Variants in PDP2 observed in about 807,000 individuals in gnomAD.
PDP2 encodes the protein pyruvate dehydrogenase phosphatase catalytic subunit 2.
Under a neutral mutation model 34.2 loss-of-function variants are expected in PDP2, and 23 were observed. The observed-to-expected ratio is 0.67, with a 90% confidence interval of 0.48 to 0.95. The LOEUF is 0.95. Ranked by LOEUF, PDP2 falls within the 40% of genes least tolerant of loss-of-function variation. The pLI is 0.00. For missense variants in PDP2, 571 were observed against 659.6 expected (o/e 0.87, Z 1.47); for synonymous variants, 275 against 269.2 (o/e 1.02, Z -0.21).
intron 1 of PDP2, among the ~76,000 whole-genome samples, chr16:66,882,615 G>A (rs967854931): frequency 6.6e-6 from 1 of 151,722 alleles, no homozygotes; most frequent in African/African-American, 2.4e-5. Context: ...GATAACTGGA[G>A]TGTTACCTCA....
rs1961909413 is a variant in PDP2, at chr16:66,889,353, T to A, written c.*3479T>A. The A allele has an allele frequency of 6.6e-6, 1 of 152,206 alleles. No homozygotes were observed. Among genetic ancestry groups the A allele is most frequent in the African/African-American group, 2.4e-5 (1 of 41,444 alleles). The allele number at this position is 152,206 out of a possible 1,614,324, so 9.4% of individuals were successfully genotyped here. ...TCTCACTCAGTCGCCCAGGCTGAAG[T>A]GCAGTGACACAGTCTCAGCTCACTG... is the stretch of plus-strand genomic sequence containing the variant. On this transcript the variant is annotated 3_prime_UTR_variant, in exon 2 of 2. Coordinates refer to ENST00000311765, the MANE Select transcript of PDP2 (RefSeq NM_020786.4).
chr16:66,885,670 G>C lies in PDP2; in HGVS notation c.1386G>C (p.Gly462=). 6.2e-7 allele frequency: 1 copy of C among 1,614,068 alleles called. No individual in the cohort carries two copies. Among genetic ancestry groups the C allele is most frequent in the Non-Finnish European group, 8.5e-7 (1 of 1,179,996 alleles). Reference sequence around the variant, plus strand: ...TGCTGCTGCAGAGGAAAGCCAGCGGGCTCCACGAGGCTGACCAAAATGCAG... The same window carrying C: ...TGCTGCTGCAGAGGAAAGCCAGCGGCCTCCACGAGGCTGACCAAAATGCAG... The part of the protein sequence containing the change: ...QSLLLQRKAS[G]LHEADQNAAT... The change falls in exon 2 of 2, where the codon GGG becomes GGC. Residue 462 remains glycine (G), a synonymous_variant. Transcript: ENST00000311765. The surrounding 1 kb of genome is among the most constrained non-coding windows in gnomAD (Gnocchi z 4.6).
At position 66,884,771 on chromosome 16, in the gene PDP2, TC is replaced by T. The variant is rs759119034; in HGVS notation, c.490del (p.Leu164Ter). On this transcript the variant is annotated frameshift_variant, in exon 2 of 2. Coordinates refer to ENST00000311765, the MANE Select transcript of PDP2 (RefSeq NM_020786.4). LOFTEE classifies it high-confidence loss of function. ...SERLFYYVAV[S>X]LMSHQTLEHM... ...GAGGCTCTTCTACTATGTGGCAGTG[TC>T]CCTGATGTCCCACCAGACCCTGGAG... The T allele has an allele frequency of 6.2e-7, 1 of 1,614,124 alleles. No individual in the cohort carries two copies. Among genetic ancestry groups the T allele is most frequent in the South Asian group, 1.1e-5 (1 of 91,084 alleles).
chr16:66,884,212 T>G lies in PDP2; in HGVS notation c.-54-19T>G. On this transcript the variant is annotated intron_variant, in intron 1 of 1. Coordinates refer to ENST00000311765, the MANE Select transcript of PDP2 (RefSeq NM_020786.4). ...AAAAAAAGAAATTAAATTTGAAACT[T>G]CAACTTTTTAATTTTTAGGTTTAAA... 3.1e-6 allele frequency: 4 copies of G among 1,298,932 alleles called. No homozygotes were observed. The highest frequency in any genetic ancestry group is 4.2e-6 in the Non-Finnish European group (4 of 946,574). 80.5% of individuals were successfully genotyped at this position (1,298,932 alleles called of 1,614,324 possible). A position where few individuals can be genotyped will look rare whatever the true frequency, so the allele number is the denominator to read the frequency against.
Position 66,890,047 on chromosome 16 carries a change from A to C in PDP2, c.*4173A>C, listed in dbSNP as rs1414828867. ...GTGATCCCAGCACTTTCGGAGGCCAAAGTGGGTGGATTACCTGAGGTCAGG... is the reference window on the plus strand; with the variant it reads ...GTGATCCCAGCACTTTCGGAGGCCACAGTGGGTGGATTACCTGAGGTCAGG... On this transcript the variant is annotated 3_prime_UTR_variant, in exon 2 of 2. Transcript: ENST00000311765. 1 of 152,126 alleles carries C rather than the reference A, an allele frequency of 6.6e-6. No homozygotes were observed. 9.4% of individuals were successfully genotyped at this position (152,126 alleles called of 1,614,324 possible).
At chr16:66,881,945 A>G (rs996212838) in intron 1 of PDP2, among the ~76,000 whole-genome samples, 3 of 152,124 alleles carry the variant, frequency 2.0e-5, no homozygotes, top group African/African-American at 7.2e-5. Context: ...GCCTCCCAAA[A>G]TGCTGAGATT....
At chr16:66,883,604 AT>A (rs1166917834) in intron 1 of PDP2, among the ~76,000 whole-genome samples, 1 of 151,214 alleles carries the variant, frequency 6.6e-6, no homozygotes, top group African/African-American at 2.4e-5. Flanking sequence ...ATGCCTGGCA[AT>A]TTTTTTATTT....
intron 1 of PDP2, among the ~76,000 whole-genome samples, chr16:66,882,162 G>A (rs1455463544): frequency 1.4e-4 from 22 of 152,184 alleles, no homozygotes; most frequent in East Asian, 1.9e-4. Context: ...ACAAAAATAC[G>A]TACAGAATGA....
At position 66,884,864 on chromosome 16, in the gene PDP2, G is replaced by C; in HGVS notation, c.580G>C (p.Gly194Arg). 1 of 1,614,060 alleles carries C rather than the reference G, an allele frequency of 6.2e-7. No homozygotes were observed. Among genetic ancestry groups the C allele is most frequent in the Non-Finnish European group, 8.5e-7 (1 of 1,179,990 alleles). ...LPILHWLKHP[G>R]DSIYKDVTSV... ...CATCCTGCATTGGCTCAAGCACCCA[G>C]GGGACAGTATCTACAAGGATGTCAC... is the stretch of plus-strand genomic sequence containing the variant. The change falls in exon 2 of 2, where the codon GGG (glycine) becomes CGG (arginine). Residue 194 changes from glycine to arginine, a missense_variant. This residue lies in a region of PDP2 where 290 missense variants were observed against 283.8 expected (regional missense o/e 1.02). Coordinates refer to ENST00000311765, the MANE Select transcript of PDP2 (RefSeq NM_020786.4).
intron 1 of PDP2, among the ~76,000 whole-genome samples, chr16:66,883,868 A>C (rs940863015): frequency 6.6e-6 from 1 of 152,046 alleles, no homozygotes; most frequent in Non-Finnish European, 1.5e-5. Flanking sequence ...TTCAGAAGTC[A>C]GTATTTTTAA....
At chr16:66,883,740 G>A (rs186325319) in intron 1 of PDP2, among the ~76,000 whole-genome samples, 5 of 152,160 alleles carry the variant, frequency 3.3e-5, no homozygotes, top group African/African-American at 1.2e-4. Flanking sequence ...GAGCCACCAG[G>A]CCTGGCCCCC....
chr16:66,886,287 C>T lies in PDP2; in HGVS notation c.*413C>T, dbSNP rs1961761459. On this transcript the variant is annotated 3_prime_UTR_variant, in exon 2 of 2. Transcript: ENST00000311765. ...GCAAATTTGATAATTCTCCTGAATT[C>T]ACAATCATGGACTTGTAGACTATGA... The T allele has an allele frequency of 8.5e-6, 2 of 236,164 alleles. No homozygotes were observed. Among genetic ancestry groups the T allele is most frequent in the Non-Finnish European group, 1.9e-5 (2 of 106,930 alleles). The allele number at this position is 236,164 out of a possible 1,614,324, so 14.6% of individuals were successfully genotyped here.
Position 66,884,657 on chromosome 16 carries a change from G to T in PDP2, c.373G>T (p.Gly125Cys). The T allele has an allele frequency of 6.2e-7, 1 of 1,614,262 alleles. No individual in the cohort carries two copies. The highest frequency in any genetic ancestry group is 8.5e-7 in the Non-Finnish European group (1 of 1,180,056). ...AANSPVEDRR[G>C]VASCLQTNGL... ...CAATTCCCCAGTGGAGGACCGGCGA[G>T]GTGTAGCCTCCTGCCTGCAAACCAA... The change falls in exon 2 of 2, where the codon GGT becomes TGT. Residue 125 changes from glycine to cysteine, a missense_variant. This residue lies in a region of PDP2 where 290 missense variants were observed against 283.8 expected (regional missense o/e 1.02). Transcript: ENST00000311765.
In PDP2 at chr16:66,890,767, A is replaced by G. The variant is rs1421390388; in HGVS notation, c.*4893A>G. ...CTGAAACACGATTCTCATGGCAGAA[A>G]AAGCCCTGGTGTTTCCTTGGAGCTG... is the stretch of plus-strand genomic sequence containing the variant. On this transcript the variant is annotated 3_prime_UTR_variant, in exon 2 of 2. Coordinates refer to ENST00000311765, the MANE Select transcript of PDP2 (RefSeq NM_020786.4). 1.3e-5 allele frequency: 2 copies of G among 152,202 alleles called. No individual in the cohort carries two copies. The highest frequency in any genetic ancestry group is 6.5e-5 in the Admixed American group (1 of 15,278). The allele number at this position is 152,202 out of a possible 1,614,324, so 9.4% of individuals were successfully genotyped here.
In PDP2 at chr16:66,884,382, A is replaced by G; in HGVS notation, c.98A>G (p.Asn33Ser). ...CGCTTATACTCCAGGTATGTCTCAA[A>G]TAGGAATAAATTAAAATGGAGGCTC... Reference protein sequence around the residue: ...GRRLYSRYVSNRNKLKWRLFS... With the variant: ...GRRLYSRYVSSRNKLKWRLFS... Residue 33 changes from asparagine (N) to serine (S), a missense_variant, in exon 2 of 2, where the codon AAT (asparagine) becomes AGT (serine). Physicochemically the swap from Asn to Ser is conservative, Grantham distance 46. Transcript: ENST00000311765. 6.2e-7 allele frequency: 1 copy of G among 1,614,086 alleles called. No individual in the cohort carries two copies. The highest frequency in any genetic ancestry group is 8.5e-7 in the Non-Finnish European group (1 of 1,179,996).
At chr16:66,884,026 T>TGGCC (rs1169088271) in intron 1 of PDP2, among the ~76,000 whole-genome samples, 2 of 151,856 alleles carry the variant, frequency 1.3e-5, no homozygotes, top group Admixed American at 1.3e-4. Context: ...TACAAAAAAT[T>TGGCC]GGCCAGGTGT....
At chr16:66,883,510 C>T (rs1481076074) in intron 1 of PDP2, among the ~76,000 whole-genome samples, 1 of 152,176 alleles carries the variant, frequency 6.6e-6, no homozygotes, top group Non-Finnish European at 1.5e-5. Context: ...ACAATCACTG[C>T]TTTCTGCAGC....
At position 66,885,349 on chromosome 16, in the gene PDP2, G is replaced by A. The variant is rs746825901; in HGVS notation, c.1065G>A (p.Trp355Ter). 3.7e-6 allele frequency: 6 copies of A among 1,614,030 alleles called. No homozygotes were observed. The highest frequency in any genetic ancestry group is 5.1e-6 in the Non-Finnish European group (6 of 1,180,040). ...CCTTTGGGGATGTTCAGCTGAAGTG[G>A]AGTAAAGAGTTGCAGCGCAGCATTC... Reference protein sequence around the residue: ...CRAFGDVQLKWSKELQRSILE... With the variant: ...CRAFGDVQLK The change falls in exon 2 of 2, where the codon TGG becomes TGA. Residue 355 changes from tryptophan to a stop codon, truncating the protein, a stop_gained. Transcript: ENST00000311765. LOFTEE classifies it high-confidence loss of function. The surrounding 1 kb of genome is among the most constrained non-coding windows in gnomAD (Gnocchi z 4.6).
chr16:66,881,918 G>A (rs1961535908), intron 1 of PDP2, among the ~76,000 whole-genome samples: 1 of 152,158 alleles, frequency 6.6e-6, no homozygotes, highest in Non-Finnish European at 1.5e-5. Flanking sequence ...CTAGCCTCAA[G>A]TGATCCTCTT....
Sources: gnomAD v4.1 joint callset for allele counts (sites outside exome capture counted in the v4.1 genomes callset) on GRCh38, gnomAD v4.1.1 for gene constraint, gnomAD v4.1.1 regional missense constraint, Gnocchi (gnomAD v3.1) non-coding constraint, MANE v1.5 for transcripts, NCBI Gene and HGNC (gene_info 2026-07-23, HGNC 2026-07-21) for gene names.